Variants in CCN6 observed in about 807,000 individuals in gnomAD.
The protein encoded by CCN6 is cellular communication network factor 6.
In CCN6, 31 loss-of-function variants were observed where a neutral mutation model predicts 37.4. The observed-to-expected ratio is 0.83, with a 90% CI of 0.62 to 1.12. CCN6 has a LOEUF of 1.12. Ranked by LOEUF, CCN6 falls within the 50% of genes most tolerant of loss-of-function variation. The pLI, the probability that CCN6 is intolerant of heterozygous loss-of-function variation, is 0.00. For missense variants in CCN6, 369 were observed against 413.8 expected (o/e 0.89, Z 0.94); for synonymous variants, 137 against 142.1 (o/e 0.96, Z 0.26).
upstream of CCN6, among the ~76,000 whole-genome samples, chr6:112,053,571 T>A (rs1776263016): frequency 6.6e-6 from 1 of 152,098 alleles, no homozygotes; most frequent in Non-Finnish European, 1.5e-5. Context: ...GTGTAATTGT[T>A]TTATTTTAGG....
chr6:112,060,958 T>C (rs782037977), intron 1 of CCN6, 33 bp from the exon 2 acceptor site: 1 of 1,612,790 alleles, frequency 6.2e-7, no homozygotes, highest in South Asian at 1.1e-5. Context: ...ATAGAGAAGC[T>C]ATTTCTAACA....
intron 3 of CCN6, among the ~76,000 whole-genome samples, chr6:112,067,418 A>T (rs1348132109): frequency 1.3e-5 from 2 of 152,146 alleles, no homozygotes; most frequent in Non-Finnish European, 2.9e-5. Flanking sequence ...TGGGAGCATT[A>T]TTAGACCCTC....
rs80255819 is a variant in CCN6 at position 112,066,710 on chromosome 6, G to A, written c.590-1495G>A. Reference sequence around the variant, plus strand: ...AAAACACATACTTTTAGATATATTTGTGACAGTAATTTATAGTCTATGGTT... The same window carrying A: ...AAAACACATACTTTTAGATATATTTATGACAGTAATTTATAGTCTATGGTT... On this transcript the variant is annotated intron_variant, in intron 3 of 4. Coordinates refer to ENST00000368666, the MANE Select transcript of CCN6 (RefSeq NM_198239.2). 5.2e-3 allele frequency among the ~76,000 whole-genome samples: 797 copies of A among 152,248 alleles called. 8 individuals carry two copies. The highest frequency in any genetic ancestry group is 0.019 in the African/African-American group (770 of 41,534).
intron 2 of CCN6, among the ~76,000 whole-genome samples, chr6:112,062,616 A>C (rs1283500677): frequency 5.9e-5 from 9 of 152,246 alleles, no homozygotes; most frequent in Non-Finnish European, 1.2e-4. Context: ...GGAGCCCCAA[A>C]CTATGACCTG....
At chr6:112,064,582 C>A (rs1457996383) in intron 2 of CCN6, among the ~76,000 whole-genome samples, 173 bp from the exon 3 acceptor site, 1 of 152,212 alleles carries the variant, frequency 6.6e-6, no homozygotes. Flanking sequence ...AAATGCCTCA[C>A]TTTAGAAACC....
intron 1 of CCN6, 47 bp from the exon 2 acceptor site, chr6:112,060,944 T>C: frequency 6.2e-7 from 1 of 1,609,100 alleles, no homozygotes; most frequent in Non-Finnish European, 8.5e-7. Context: ...TGTTATACTA[T>C]TACATAGAGA....
At chr6:112,052,965 T>C (rs782384773), upstream of CCN6, among the ~76,000 whole-genome samples, 9 of 152,186 alleles carry the variant, frequency 5.9e-5, no homozygotes, top group Non-Finnish European at 1.2e-4. Flanking sequence ...TGATGTTGTC[T>C]TTATACAGTA....
chr6:112,060,020 T>C (rs1776464830), intron 1 of CCN6: 1 of 1,365,728 alleles, frequency 7.3e-7, no homozygotes, highest in South Asian at 1.1e-5. Context: ...GCCATGAAGA[T>C]ATCTAGGGGC....
At chr6:112,058,678 A>G (rs587704075) in intron 1 of CCN6, among the ~76,000 whole-genome samples, 2 of 152,378 alleles carry the variant, frequency 1.3e-5, no homozygotes, top group South Asian at 4.1e-4. Context: ...TGTCCCAGGC[A>G]GGAGGAACAG....
intron 3 of CCN6, chr6:112,066,916 A>T (rs1776712483): frequency 3.0e-6 from 4 of 1,315,524 alleles, no homozygotes; most frequent in Non-Finnish European, 1.0e-6. Flanking sequence ...TGTCGGTTTA[A>T]CAAGTGGGAT....
Position 112,069,523 on chromosome 6 carries a change from G to A in CCN6, c.968G>A (p.Gly323Glu), listed in dbSNP as rs782254614. The change falls in exon 5 of 5, where the codon GGG becomes GAG. Residue 323 changes from glycine (G) to glutamate (E), a missense_variant. Transcript: ENST00000368666. ...ITIQFDCPNE[G>E]SFKWKMLWIT... The stretch of plus-strand genomic sequence containing the variant: ...ATTCAATTTGATTGCCCAAATGAGG[G>A]GTCATTTAAATGGAAGATGCTGTGG... 2.5e-6 allele frequency: 4 copies of A among 1,613,508 alleles called. No individual in the cohort carries two copies. Among genetic ancestry groups the A allele is most frequent in the Non-Finnish European group, 1.7e-6 (2 of 1,179,682 alleles).
At chr6:112,053,826 G>A (rs1554311200), upstream of CCN6, among the ~76,000 whole-genome samples, 1 of 148,868 alleles carries the variant, frequency 6.7e-6, no homozygotes. Flanking sequence ...TTAATATGGA[G>A]GGGGAAAGCC....
chr6:112,052,932 T>C (rs1239721164), upstream of CCN6, among the ~76,000 whole-genome samples: 1 of 152,210 alleles, frequency 6.6e-6, no homozygotes, highest in African/African-American at 2.4e-5. Flanking sequence ...TCCCAGGCCC[T>C]CAGCTCAGGC....
chr6:112,065,637 CACACACAA>C (rs1182439813), intron 3 of CCN6, among the ~76,000 whole-genome samples: 1 of 151,612 alleles, frequency 6.6e-6, no homozygotes, highest in African/African-American at 2.4e-5. Context: ...CACACACACA[CACACACAA>C]ACACACACAT....
chr6:112,063,274 G>A (rs1776580136), intron 2 of CCN6, among the ~76,000 whole-genome samples: 1 of 152,112 alleles, frequency 6.6e-6, no homozygotes, highest in South Asian at 2.1e-4. Flanking sequence ...ATACTTTTAT[G>A]TTTATTGATA....
upstream of CCN6, among the ~76,000 whole-genome samples, chr6:112,053,340 A>G (rs113078934): frequency 6.7e-6 from 1 of 150,104 alleles, no homozygotes; most frequent in South Asian, 2.1e-4. Context: ...CTTGTCCCCC[A>G]GGCTGGAGTG....
chr6:112,068,421 T>C (rs940340304), intron 4 of CCN6, 23 bp downstream of exon 4: 1 of 1,572,866 alleles, frequency 6.4e-7, no homozygotes, highest in African/African-American at 1.4e-5. Flanking sequence ...TATATTTAAC[T>C]TAATTCAATA....
chr6:112,059,963 C>T, intron 1 of CCN6: 1 of 1,348,478 alleles, frequency 7.4e-7, no homozygotes. Context: ...TCAAAGAGGG[C>T]CTCACTGAGA....
intron 2 of CCN6, among the ~76,000 whole-genome samples, chr6:112,062,141 C>G (rs1419528530): frequency 6.6e-6 from 1 of 152,156 alleles, no homozygotes; most frequent in African/African-American, 2.4e-5. Flanking sequence ...CCTGACTGCT[C>G]TGCTAACTAA....
Sources: allele counts gnomAD v4.1 joint callset (sites outside exome capture counted in the v4.1 genomes callset), GRCh38; gene constraint gnomAD v4.1.1; transcripts MANE v1.5; gene names NCBI Gene and HGNC (gene_info 2026-07-23, HGNC 2026-07-21).